Variants in MACROD2 observed in about 807,000 individuals in gnomAD.
MACROD2 encodes the protein mono-ADP ribosylhydrolase 2, also known as ADP-ribose glycohydrolase MACROD2.
In MACROD2, 36 loss-of-function variants were observed where a neutral mutation model predicts 70.4. The observed-to-expected ratio is 0.51, with a 90% CI of 0.39 to 0.68. The LOEUF (loss-of-function observed/expected upper bound fraction) is 0.68, where lower values mean the gene tolerates loss of function less well. MACROD2 is among the 30% of genes least tolerant of loss of function. MACROD2 has a pLI of 0.00. For missense variants in MACROD2, 496 were observed against 538.4 expected (o/e 0.92, Z 0.78); for synonymous variants, 172 against 178.8 (o/e 0.96, Z 0.30).
intron 5 of MACROD2, among the ~76,000 whole-genome samples, chr20:14,766,821 C>T (rs1299158566): frequency 1.3e-5 from 2 of 152,124 alleles, no homozygotes; most frequent in African/African-American, 4.8e-5. Flanking sequence ...AAGGCAAGAT[C>T]TCTTTTTTCT....
At chr20:16,006,503 A>G (rs1369384430) in intron 15 of MACROD2, among the ~76,000 whole-genome samples, 1 of 152,186 alleles carries the variant, frequency 6.6e-6, no homozygotes, top group Non-Finnish European at 1.5e-5. Flanking sequence ...CTGAATAGCC[A>G]CATGTATTGT....
At chr20:15,093,726 C>G (rs778927897) in intron 5 of MACROD2, among the ~76,000 whole-genome samples, 22 of 152,108 alleles carry the variant, frequency 1.4e-4, no homozygotes, top group Non-Finnish European at 1.5e-4. Context: ...ACATATACTT[C>G]TAAGAGAGGG....
intron 15 of MACROD2, among the ~76,000 whole-genome samples, chr20:16,013,213 T>C (rs1226440257): frequency 6.6e-6 from 1 of 152,066 alleles, no homozygotes; most frequent in Admixed American, 6.6e-5. Flanking sequence ...ACGTTAGTTA[T>C]CAAAATCTAG....
At chr20:14,471,914 TAAAAG>T (rs1370324083) in intron 3 of MACROD2, among the ~76,000 whole-genome samples, 1 of 152,096 alleles carries the variant, frequency 6.6e-6, no homozygotes, top group African/African-American at 2.4e-5. Context: ...ATAAAAGAAA[TAAAAG>T]AAATAAAATC....
At position 14,891,380 on chromosome 20, in the gene MACROD2, A is replaced by G. The variant is rs200634252; in HGVS notation, c.418+206421A>G. The stretch of plus-strand genomic sequence containing the variant: ...AAAAGTATTAGTAACTTATTTTATC[A>G]TGTCTTGGTAATTGAAAGTAAGTCA... On this transcript the variant is annotated intron_variant, in intron 5 of 17. Transcript: ENST00000684519. Among the ~76,000 whole-genome samples, 5 of 152,292 alleles carry G rather than the reference A, an allele frequency of 3.3e-5. No individual in the cohort carries two copies. The East Asian group carries it at 9.7e-4, about 29-fold the overall frequency.
intron 3 of MACROD2, among the ~76,000 whole-genome samples, chr20:14,381,278 A>G (rs535032293): frequency 6.6e-6 from 1 of 152,312 alleles, no homozygotes; most frequent in East Asian, 1.9e-4. Context: ...GATATTATAT[A>G]TTGCATGTAA....
chr20:14,941,539 C>T (rs888558037), intron 5 of MACROD2, among the ~76,000 whole-genome samples: 3 of 152,086 alleles, frequency 2.0e-5, no homozygotes, highest in Admixed American at 6.6e-5. Flanking sequence ...AGAGGTGTCA[C>T]AGATATGTAA....
intron 5 of MACROD2, among the ~76,000 whole-genome samples, chr20:15,104,783 G>T (rs748687452): frequency 6.6e-6 from 1 of 151,952 alleles, no homozygotes; most frequent in African/African-American, 2.4e-5. Context: ...AACTTTATAT[G>T]CCATATTTAA....
intron 2 of MACROD2, among the ~76,000 whole-genome samples, chr20:14,049,186 A>AAAAAAT (rs1555913506): frequency 2.0e-5 from 3 of 150,892 alleles, no homozygotes; most frequent in Non-Finnish European, 4.4e-5. Context: ...AAAAAAAAAA[A>AAAAAAT]AAACAAAAAA....
At chr20:15,449,147 C>T (rs553837593) in intron 7 of MACROD2, among the ~76,000 whole-genome samples, 5 of 152,210 alleles carry the variant, frequency 3.3e-5, no homozygotes, top group Admixed American at 2.0e-4. Flanking sequence ...GTCCCCTCAC[C>T]GTCTAATATG....
At chr20:15,902,769 C>T (rs1036497452) in intron 10 of MACROD2, among the ~76,000 whole-genome samples, 1 of 152,074 alleles carries the variant, frequency 6.6e-6, no homozygotes, top group Non-Finnish European at 1.5e-5. Context: ...GTCTTGGAGT[C>T]AGATCCTCCA....
chr20:15,341,636 A>G (rs997307216), intron 6 of MACROD2, among the ~76,000 whole-genome samples: 1 of 152,234 alleles, frequency 6.6e-6, no homozygotes, highest in Non-Finnish European at 1.5e-5. Flanking sequence ...TTACAAAAAT[A>G]TTTCTTCAAC....
chr20:14,183,824 A>G (rs1412199047), intron 3 of MACROD2, among the ~76,000 whole-genome samples: 1 of 152,150 alleles, frequency 6.6e-6, no homozygotes, highest in Non-Finnish European at 1.5e-5. Flanking sequence ...TGTTGGCTGC[A>G]TATATGTCTT....
At chr20:14,404,512 C>A (rs545619527) in intron 3 of MACROD2, among the ~76,000 whole-genome samples, 34 of 151,954 alleles carry the variant, frequency 2.2e-4, no homozygotes, top group African/African-American at 8.0e-4. Flanking sequence ...GCCTGTAGTC[C>A]CAGCTACCCA....
intron 6 of MACROD2, among the ~76,000 whole-genome samples, chr20:15,273,102 G>T (rs773501846): frequency 4.6e-5 from 7 of 152,166 alleles, no homozygotes; most frequent in Non-Finnish European, 8.8e-5. Context: ...GATCCCAGGT[G>T]TGTCTATGAG....
In MACROD2 at chr20:15,998,952, TTTTTCTATTC is replaced by T. The variant is rs568361447; in HGVS notation, c.1153+11796_1153+11805del. Among the ~76,000 whole-genome samples, 83 of 152,248 alleles carry T rather than the reference TTTTTCTATTC, an allele frequency of 5.5e-4. 1 individual carries two copies. Among genetic ancestry groups the T allele is most frequent in the African/African-American group, 1.9e-3 (77 of 41,560 alleles). On this transcript the variant is annotated intron_variant, in intron 15 of 17. Transcript: ENST00000684519. ...TCATTTTTGTTCATCCTTTTTATTG[TTTTTCTATTC>T]TCTATTTCATTAGAGATCAGAGATT...
At chr20:15,422,233 TTTA>T (rs1030151000) in intron 6 of MACROD2, among the ~76,000 whole-genome samples, 10 of 152,130 alleles carry the variant, frequency 6.6e-5, no homozygotes, top group African/African-American at 2.4e-4. Context: ...CTATTTAGTC[TTTA>T]AAATGTAAAT....
At chr20:15,858,469 T>G (rs2064383777) in intron 8 of MACROD2, among the ~76,000 whole-genome samples, 1 of 152,194 alleles carries the variant, frequency 6.6e-6, no homozygotes, top group Non-Finnish European at 1.5e-5. Flanking sequence ...TCTTTTTTAC[T>G]TATTCAGTCT....
chr20:15,353,603 A>C (rs1377272583), intron 6 of MACROD2, among the ~76,000 whole-genome samples: 1 of 151,926 alleles, frequency 6.6e-6, no homozygotes, highest in African/African-American at 2.4e-5. Context: ...CAATCTACTC[A>C]TCTGACAAAG....
Sources: gnomAD v4.1 joint callset for allele counts (sites outside exome capture counted in the v4.1 genomes callset) on GRCh38, gnomAD v4.1.1 for gene constraint, MANE v1.5 for transcripts, NCBI Gene and HGNC (gene_info 2026-07-23, HGNC 2026-07-21) for gene names.